The following ARL5B variants were observed in gnomAD, a reference collection of about 807,000 sequenced individuals.
ARL5B encodes the protein ADP-ribosylation factor-like protein 5B.
In ARL5B, 10 loss-of-function variants were observed where a neutral mutation model predicts 26.9. That is an observed-to-expected ratio of 0.37 (90% CI 0.23 to 0.63). The LOEUF (loss-of-function observed/expected upper bound fraction) is 0.63, where lower values mean the gene tolerates loss of function less well. Ranked by LOEUF, ARL5B falls within the 30% of genes least tolerant of loss-of-function variation. The pLI, the probability that ARL5B is intolerant of heterozygous loss-of-function variation, is 0.62. For synonymous variants in ARL5B, 87 were observed against 70.4 expected (o/e 1.24, Z -1.18); for missense variants, 167 against 213.9 (o/e 0.78, Z 1.37).
chr10:18,659,733 C>G (rs1286461433), intron 1 of ARL5B, 50 bp downstream of exon 1: 1 of 1,596,214 alleles, frequency 6.3e-7, no homozygotes, highest in African/African-American at 1.3e-5. Flanking sequence ...CAGAGGGTCC[C>G]GCCGCCGATG....
intron 3 of ARL5B, among the ~76,000 whole-genome samples, chr10:18,670,582 G>A (rs1017765673): frequency 1.3e-5 from 2 of 152,204 alleles, no homozygotes; most frequent in African/African-American, 4.8e-5. Context: ...CTGCACTCCA[G>A]CCTGGGTGGC....
intron 1 of ARL5B, among the ~76,000 whole-genome samples, chr10:18,665,332 CAAAT>C (rs965115836): frequency 6.6e-6 from 1 of 152,082 alleles, no homozygotes; most frequent in African/African-American, 2.4e-5. Context: ...GACCCTGTCT[CAAAT>C]AAATAAGGAG....
chr10:18,671,666 A>AC (rs2059888089), intron 3 of ARL5B, among the ~76,000 whole-genome samples: 2 of 97,218 alleles, frequency 2.1e-5, no homozygotes, highest in Non-Finnish European at 4.2e-5. Flanking sequence ...CCCCTCACCC[A>AC]CCCCCCACAT....
rs1590230168 is a variant in ARL5B, at chr10:18,675,509, T to C, written c.*293T>C. ...TGCCTTGTAAGAAATGTTTGTCATA[T>C]GCGTGATGTCTTCTGAAATATTCTT... On this transcript the variant is annotated 3_prime_UTR_variant, in exon 6 of 6. Transcript: ENST00000377275. 1 of 342,736 alleles carries C rather than the reference T, an allele frequency of 2.9e-6. No individual in the cohort carries two copies. The highest frequency in any genetic ancestry group is 5.5e-6 in the Non-Finnish European group (1 of 182,858). 21.2% of individuals were successfully genotyped at this position (342,736 alleles called of 1,614,324 possible). A position where few individuals can be genotyped will look rare whatever the true frequency, so the allele number is the denominator to read the frequency against.
intron 1 of ARL5B, among the ~76,000 whole-genome samples, chr10:18,664,929 T>C (rs924109541): frequency 6.6e-6 from 1 of 152,160 alleles, no homozygotes; most frequent in East Asian, 1.9e-4. Flanking sequence ...GAAGGAGCCA[T>C]CTGGTACTGT....
Position 18,665,636 on chromosome 10 carries a change from G to A in ARL5B, c.47-939G>A, listed in dbSNP as rs543454066. ...TTCACCAGAGGTCATCAAGAAGAGCGGGATTCTGATATGAGATGTGCCCAA... is the reference window on the plus strand; with the variant it reads ...TTCACCAGAGGTCATCAAGAAGAGCAGGATTCTGATATGAGATGTGCCCAA... On this transcript the variant is annotated intron_variant, in intron 1 of 5. Coordinates refer to ENST00000377275, the MANE Select transcript of ARL5B (RefSeq NM_178815.5). Among the ~76,000 whole-genome samples, 68 of 152,222 alleles carry A rather than the reference G, an allele frequency of 4.5e-4. 1 individual carries two copies. Among genetic ancestry groups the A allele is most frequent in the African/African-American group, 1.6e-3 (67 of 41,546 alleles).
At chr10:18,665,860 C>T (rs991001667) in intron 1 of ARL5B, among the ~76,000 whole-genome samples, 3 of 152,128 alleles carry the variant, frequency 2.0e-5, no homozygotes, top group Non-Finnish European at 4.4e-5. Flanking sequence ...ATATATACCA[C>T]TTAACGGAAT....
chr10:18,667,143 CA>C (rs2059864984), intron 2 of ARL5B, among the ~76,000 whole-genome samples: 1 of 152,224 alleles, frequency 6.6e-6, no homozygotes. Flanking sequence ...CACAGCTCAT[CA>C]TTCCACTTGT....
chr10:18,674,133 A>AT lies in ARL5B; in HGVS notation c.489_490insT (p.Gly164TrpfsTer32). ...AATCCTGCTGTGCTCTCACAGGAGAAGGGTAAGTTCATCCGTCTGAGGGGA... is the reference window on the plus strand; with the variant it reads ...AATCCTGCTGTGCTCTCACAGGAGAATGGGTAAGTTCATCCGTCTGAGGGGA... On this transcript the variant is annotated frameshift_variant and splice_region_variant, in exon 5 of 6. Transcript: ENST00000377275. LOFTEE classifies it high-confidence loss of function. 1 of 1,608,004 alleles carries AT rather than the reference A, an allele frequency of 6.2e-7. No homozygotes were observed. The highest frequency in any genetic ancestry group is 8.5e-7 in the Non-Finnish European group (1 of 1,177,746).
chr10:18,663,312 A>G (rs940679672), intron 1 of ARL5B, among the ~76,000 whole-genome samples: 2 of 151,984 alleles, frequency 1.3e-5, no homozygotes, highest in African/African-American at 2.4e-5. Flanking sequence ...AGTTATTTCT[A>G]GTGTTACCCA....
intron 1 of ARL5B, among the ~76,000 whole-genome samples, chr10:18,664,673 C>T (rs1445011946): frequency 7.3e-5 from 11 of 150,864 alleles, no homozygotes; most frequent in Admixed American, 3.3e-4. Context: ...CTCCTGACCT[C>T]GTGATCCTCC....
At chr10:18,668,228 G>A (rs570407169) in intron 2 of ARL5B, among the ~76,000 whole-genome samples, 15 of 151,946 alleles carry the variant, frequency 9.9e-5, no homozygotes, top group Non-Finnish European at 2.9e-5. Flanking sequence ...CTGATAACAG[G>A]GCATGGTGGT....
intron 1 of ARL5B, among the ~76,000 whole-genome samples, chr10:18,660,084 G>A (rs957986705): frequency 1.3e-5 from 2 of 151,754 alleles, no homozygotes; most frequent in African/African-American, 4.8e-5. Flanking sequence ...GAGTAATGTA[G>A]GTGCTTTGTT....
At chr10:18,667,411 C>T (rs7081435) in intron 2 of ARL5B, among the ~76,000 whole-genome samples, 116,320 of 152,138 alleles carry the variant, frequency 0.76, 44,618 homozygotes, top group East Asian at 0.98. Flanking sequence ...CAGAGTTGAA[C>T]AACTACTTGT....
At chr10:18,667,149 A>C (rs961626419) in intron 2 of ARL5B, among the ~76,000 whole-genome samples, 1 of 152,214 alleles carries the variant, frequency 6.6e-6, no homozygotes, top group African/African-American at 2.4e-5. Context: ...TCATCATTCC[A>C]CTTGTCAGAG....
chr10:18,667,250 GTTC>G (rs973931920), intron 2 of ARL5B, among the ~76,000 whole-genome samples: 1 of 152,196 alleles, frequency 6.6e-6, no homozygotes, highest in Non-Finnish European at 1.5e-5. Flanking sequence ...TAGTTCTACA[GTTC>G]TTTGCCCCAT....
At chr10:18,667,098 T>C (rs2059864732) in intron 2 of ARL5B, among the ~76,000 whole-genome samples, 2 of 152,232 alleles carry the variant, frequency 1.3e-5, no homozygotes, top group Admixed American at 6.5e-5. Context: ...GTCTTGAGAC[T>C]TTCAGAGAAA....
intron 3 of ARL5B, 83 bp downstream of exon 3, chr10:18,668,760 T>TGACA: frequency 7.3e-7 from 1 of 1,362,246 alleles, no homozygotes; most frequent in South Asian, 1.5e-5. Flanking sequence ...CTGGGCGTAT[T>TGACA]GACAGTTGCC....
rs556589727 is a variant in ARL5B, at chr10:18,659,463, G to A, written c.-175G>A. 214 of 778,288 alleles carry A rather than the reference G, an allele frequency of 2.7e-4. No homozygotes were observed. The African/African-American group carries it at 3.4e-3, about 12-fold the overall frequency. The allele number at this position is 778,288 out of a possible 1,614,324, so 48.2% of individuals were successfully genotyped here. On this transcript the variant is annotated 5_prime_UTR_variant, in exon 1 of 6. Coordinates refer to ENST00000377275, the MANE Select transcript of ARL5B (RefSeq NM_178815.5). ...TCGAAACAAAGGGCTGTCCGGTGGG[G>A]ATTCGTCGCGGCGCCTTCTGAGTGG...
Sources: gnomAD v4.1 joint callset for allele counts (sites outside exome capture counted in the v4.1 genomes callset) on GRCh38, gnomAD v4.1.1 for gene constraint, MANE v1.5 for transcripts, NCBI Gene and HGNC (gene_info 2026-07-23, HGNC 2026-07-21) for gene names.